The following PER3 variants were observed in gnomAD, a reference collection of about 807,000 sequenced individuals.
The protein encoded by PER3 is period circadian protein homolog 3.
A neutral mutation model predicts 127.2 loss-of-function variants in PER3; 107 were observed. The ratio of observed to expected loss-of-function variants is 0.84; its 90% CI spans 0.72 to 0.99. The LOEUF (loss-of-function observed/expected upper bound fraction) is 0.99. Ranked by LOEUF, PER3 falls within the 50% of genes least tolerant of loss-of-function variation. PER3 has a pLI of 0.00. For synonymous variants in PER3, 618 were observed against 585.8 expected (o/e 1.05, Z -0.79); for missense variants, 1,560 against 1,525.8 (o/e 1.02, Z -0.37).
chr1:7,788,947 A>G (rs1307148634), intron 5 of PER3, among the ~76,000 whole-genome samples: 2 of 151,238 alleles, frequency 1.3e-5, no homozygotes, highest in Non-Finnish European at 2.9e-5. Flanking sequence ...GCTCTCTTAC[A>G]GTTTTTCTTG....
intron 13 of PER3, among the ~76,000 whole-genome samples, chr1:7,817,680 C>T (rs1316497164): frequency 6.6e-6 from 1 of 151,962 alleles, no homozygotes; most frequent in African/African-American, 2.4e-5. Context: ...GGACTCATGC[C>T]CCTTTTGTTT....
chr1:7,801,220 T>C, intron 8 of PER3, 29 bp downstream of exon 8: 1 of 1,227,246 alleles, frequency 8.1e-7, no homozygotes, highest in Non-Finnish European at 1.2e-6. Flanking sequence ...CTAAAAGAAA[T>C]TTGTTTCTGA....
chr1:7,823,397 C>T (rs1378738531), intron 16 of PER3, among the ~76,000 whole-genome samples: 1 of 152,140 alleles, frequency 6.6e-6, no homozygotes, highest in East Asian at 1.9e-4. Flanking sequence ...AATCCCAGCA[C>T]TTTGGGAGGC....
rs1470207115 is a variant in PER3, at chr1:7,843,779, C to A, written c.*1024C>A. The A allele has an allele frequency of 2.5e-6, 1 of 406,256 alleles. No individual in the cohort carries two copies. Among genetic ancestry groups the A allele is most frequent in the Non-Finnish European group, 3.7e-6 (1 of 273,772 alleles). The allele number at this position is 406,256 out of a possible 1,614,324, so 25.2% of individuals were successfully genotyped here. A position where few individuals can be genotyped will look rare whatever the true frequency, so the allele number is the denominator to read the frequency against. On this transcript the variant is annotated 3_prime_UTR_variant, in exon 22 of 22. Transcript: ENST00000377532. Reference sequence around the variant, plus strand: ...GTCCAGGCGAGCCCAGTTGTCCTCGCCCACAGGGTCCTGCAGGCTCCATCA... The same window carrying A: ...GTCCAGGCGAGCCCAGTTGTCCTCGACCACAGGGTCCTGCAGGCTCCATCA...
At chr1:7,809,755 A>C (rs2097210810) in intron 11 of PER3, 138 bp from the exon 12 acceptor site, 7 of 776,940 alleles carry the variant, frequency 9.0e-6, no homozygotes, top group Non-Finnish European at 1.4e-5. Context: ...CATCAGCATT[A>C]AAAGTACCAA....
At chr1:7,820,070 A>G (rs780483204) in intron 14 of PER3, 45 bp from the exon 15 acceptor site, 3 of 1,593,670 alleles carry the variant, frequency 1.9e-6, no homozygotes, top group East Asian at 2.2e-5. Context: ...AAATGGCACA[A>G]TTAGGGAACA....
intron 16 of PER3, among the ~76,000 whole-genome samples, chr1:7,825,891 C>CAG (rs2097299146): frequency 7.1e-6 from 1 of 141,132 alleles, no homozygotes; most frequent in Non-Finnish European, 1.5e-5. Flanking sequence ...AACTCCATCT[C>CAG]AAAAAAAAAA....
intron 8 of PER3, among the ~76,000 whole-genome samples, chr1:7,801,498 TCTGATTGCGCTCAAA>T (rs1481807555): frequency 6.6e-6 from 1 of 152,218 alleles, no homozygotes; most frequent in Non-Finnish European, 1.5e-5. Context: ...ATGTATAGTA[TCTGATTGCGCTCAAA>T]CTGGGACCAA....
intron 10 of PER3, among the ~76,000 whole-genome samples, chr1:7,806,921 T>C (rs1343496718): frequency 6.6e-6 from 1 of 151,332 alleles, no homozygotes; most frequent in East Asian, 1.9e-4. Context: ...TAAAGCAATC[T>C]GTTCTATTTC....
chr1:7,831,751 C>T (rs1396822727), intron 19 of PER3, among the ~76,000 whole-genome samples: 1 of 152,138 alleles, frequency 6.6e-6, no homozygotes, highest in African/African-American at 2.4e-5. Context: ...TGGTCATGCT[C>T]TTTTATCCTT....
intron 2 of PER3, 95 bp downstream of exon 2, chr1:7,785,100 T>TCAAGCCC: frequency 7.3e-7 from 1 of 1,374,302 alleles, no homozygotes; most frequent in Non-Finnish European, 9.8e-7. Flanking sequence ...TCTTTTGTTT[T>TCAAGCCC]CAAGCCCAGG....
rs1321609535 is a variant in PER3, at chr1:7,788,364, A to T, written c.592+118A>T. On this transcript the variant is annotated intron_variant, in intron 5 of 21. Coordinates refer to ENST00000377532, the MANE Select transcript of PER3 (RefSeq NM_001377275.1). ...ACATGCACACTATCTGGTTTTTCTT[A>T]TTCCTGTTATAGAAAGTCACGTGAT... The T allele has an allele frequency of 1.8e-5, 13 of 712,502 alleles. No individual in the cohort carries two copies. In the East Asian group the frequency reaches 3.5e-4, roughly 19 times the overall value. The allele number at this position is 712,502 out of a possible 1,614,324, so 44.1% of individuals were successfully genotyped here.
At chr1:7,786,651 T>C (rs2097092384) in intron 3 of PER3, 70 bp from the exon 4 acceptor site, 8 of 807,048 alleles carry the variant, frequency 9.9e-6, no homozygotes, top group Non-Finnish European at 1.8e-5. Context: ...TCCAGCTTGA[T>C]AGTGATGAAA....
At chr1:7,838,179 A>G (rs2097367236) in intron 21 of PER3, among the ~76,000 whole-genome samples, 1 of 152,212 alleles carries the variant, frequency 6.6e-6, no homozygotes, top group East Asian at 1.9e-4. Flanking sequence ...CCCTCTTTTT[A>G]AAAACTAACA....
rs574996978 is a variant in PER3, at chr1:7,804,457, T to C, written c.1136+609T>C. On this transcript the variant is annotated intron_variant, in intron 10 of 21. Transcript: ENST00000377532. ...CTCTGTTGCCCAGGCTGGAGTGCAG[T>C]GATGCGATCACAGCTCAGTGCAGCC... Among the ~76,000 whole-genome samples, 9 of 150,978 alleles carry C rather than the reference T, an allele frequency of 6.0e-5. No individual in the cohort carries two copies. In the East Asian group the frequency reaches 9.8e-4, roughly 16 times the overall value.
At chr1:7,810,943 T>TA (rs2097216639) in intron 13 of PER3, among the ~76,000 whole-genome samples, 3 of 152,180 alleles carry the variant, frequency 2.0e-5, no homozygotes, top group African/African-American at 7.2e-5. Flanking sequence ...TAAAGTATAT[T>TA]AAAATGAAAA....
Position 7,785,598 on chromosome 1 carries a change from G to A in PER3, c.274+12G>A, listed in dbSNP as rs747111972. 6 of 1,605,938 alleles carry A rather than the reference G, an allele frequency of 3.7e-6. No individual in the cohort carries two copies. The highest frequency in any genetic ancestry group is 1.1e-5 in the South Asian group (1 of 90,136). On this transcript the variant is annotated intron_variant, in intron 3 of 21. Coordinates refer to ENST00000377532, the MANE Select transcript of PER3 (RefSeq NM_001377275.1). ...CCACAGCGTTCAAGGTAAACAAGCC[G>A]GAGAGAAATTTCATCCTACGAATGC...
intron 18 of PER3, among the ~76,000 whole-genome samples, chr1:7,828,167 AC>A (rs1477330949): frequency 6.6e-6 from 1 of 152,234 alleles, no homozygotes; most frequent in African/African-American, 2.4e-5. Context: ...TTGTTTACTT[AC>A]AACCGGGGTT....
rs2097272461 is a variant in PER3, at chr1:7,820,660, C to T, written c.1957+20C>T. 1.3e-6 allele frequency: 2 copies of T among 1,574,922 alleles called. No individual in the cohort carries two copies. Among genetic ancestry groups the T allele is most frequent in the Admixed American group, 1.9e-5 (1 of 53,698 alleles). On this transcript the variant is annotated intron_variant, in intron 16 of 21. Coordinates refer to ENST00000377532, the MANE Select transcript of PER3 (RefSeq NM_001377275.1). ...AGACAGGTACCACACTCGCCTCTTA[C>T]TTTGAAAATATACTCAACTTTAACT...
Sources: gnomAD v4.1 joint callset for allele counts (sites outside exome capture counted in the v4.1 genomes callset) on GRCh38, gnomAD v4.1.1 for gene constraint, MANE v1.5 for transcripts, NCBI Gene and HGNC (gene_info 2026-07-23, HGNC 2026-07-21) for gene names.